Variants in PHACTR1 observed in about 807,000 individuals in gnomAD.
PHACTR1 encodes RPEL repeat containing 1.
Under a neutral mutation model 69.2 loss-of-function variants are expected in PHACTR1, and 16 were observed. The ratio of observed to expected loss-of-function variants is 0.23; its 90% CI spans 0.16 to 0.35. PHACTR1 has a LOEUF of 0.35. Among genes scored for constraint, PHACTR1 ranks in the 10% least tolerant of loss-of-function variants. The pLI is 1.00. For synonymous variants in PHACTR1, 312 were observed against 284.5 expected (o/e 1.10, Z -0.97); for missense variants, 510 against 734.7 (o/e 0.69, Z 3.54).
chr6:12,962,709 G>A (rs1390989347), intron 4 of PHACTR1, among the ~76,000 whole-genome samples: 2 of 152,210 alleles, frequency 1.3e-5, no homozygotes, highest in Non-Finnish European at 2.9e-5. Flanking sequence ...GGTGACAGCT[G>A]TTCTTGGAGA....
At chr6:12,828,760 T>TAA (rs5874386) in intron 4 of PHACTR1, among the ~76,000 whole-genome samples, 116 of 151,146 alleles carry the variant, frequency 7.7e-4, no homozygotes, top group African/African-American at 2.6e-3. Context: ...TGCTTCGTTG[T>TAA]AAAAAAAAAC....
intron 4 of PHACTR1, among the ~76,000 whole-genome samples, chr6:12,911,914 G>T (rs1295191609): frequency 6.6e-6 from 1 of 152,190 alleles, no homozygotes; most frequent in Non-Finnish European, 1.5e-5. Context: ...CAAAGAGGAA[G>T]GTGAAAGGAA....
At chr6:13,277,675 C>T (rs1208852323) in intron 11 of PHACTR1, among the ~76,000 whole-genome samples, 6 of 152,182 alleles carry the variant, frequency 3.9e-5, no homozygotes, top group African/African-American at 7.2e-5. Context: ...TTGGGCTGTG[C>T]GGTGGCTTGC....
chr6:13,089,913 T>C (rs1812947153), intron 5 of PHACTR1, among the ~76,000 whole-genome samples: 1 of 152,200 alleles, frequency 6.6e-6, no homozygotes, highest in Admixed American at 6.5e-5. Flanking sequence ...CCTTGTGACA[T>C]AATAAATTTC....
rs756423380 is a variant in PHACTR1 at position 13,230,054 on chromosome 6, G to A, written c.1252G>A (p.Val418Ile). 3.1e-6 allele frequency: 5 copies of A among 1,610,264 alleles called. No individual in the cohort carries two copies. In the African/African-American group the frequency reaches 6.7e-5, roughly 22 times the overall value. The change falls in exon 10 of 15, where the codon GTC becomes ATC. Residue 418 changes from valine (V) to isoleucine (I), a missense_variant. Transcript: ENST00000332995. The part of the protein sequence containing the change: ...SLYTSSLAMK[V>I]CRKDSLAIKL... ...TCCTACAGGCTCCCTGGCCATGAAGGTCTGCAGGAAGGACTCCTTAGCCAT... is the reference window on the plus strand; with the variant it reads ...TCCTACAGGCTCCCTGGCCATGAAGATCTGCAGGAAGGACTCCTTAGCCAT...
intron 10 of PHACTR1, among the ~76,000 whole-genome samples, chr6:13,241,409 T>C (rs746247795): frequency 1.3e-5 from 2 of 152,182 alleles, no homozygotes; most frequent in Non-Finnish European, 2.9e-5. Context: ...TCAGAAATTC[T>C]TGGGCCGGGT....
At chr6:12,984,868 G>A (rs1161456413) in intron 4 of PHACTR1, among the ~76,000 whole-genome samples, 4 of 152,132 alleles carry the variant, frequency 2.6e-5, no homozygotes, top group Non-Finnish European at 5.9e-5. Context: ...TAATAAACAG[G>A]AAGCCCAGGA....
intron 10 of PHACTR1, among the ~76,000 whole-genome samples, chr6:13,262,515 G>A (rs1364910991): frequency 6.6e-6 from 1 of 152,128 alleles, no homozygotes; most frequent in Non-Finnish European, 1.5e-5. Flanking sequence ...CTGAACTGGT[G>A]GGATCTGGGT....
At chr6:12,723,478 T>C (rs970734432) in intron 3 of PHACTR1, among the ~76,000 whole-genome samples, 2 of 150,210 alleles carry the variant, frequency 1.3e-5, no homozygotes, top group African/African-American at 4.9e-5. Context: ...AATCCTTGTT[T>C]TGGCCTTTTC....
intron 4 of PHACTR1, among the ~76,000 whole-genome samples, chr6:12,750,426 G>A (rs112934209): frequency 0.02 from 2,970 of 151,724 alleles, 113 homozygotes; most frequent in African/African-American, 0.069. Flanking sequence ...GGTACATGAA[G>A]GAGAGAAGAA....
intron 5 of PHACTR1, among the ~76,000 whole-genome samples, chr6:13,067,258 A>G (rs1185059156): frequency 6.6e-6 from 1 of 152,202 alleles, no homozygotes; most frequent in East Asian, 1.9e-4. Flanking sequence ...AGGTGAGGAA[A>G]CTGAAGCTTA....
At chr6:13,185,787 G>A (rs527488652) in intron 7 of PHACTR1, among the ~76,000 whole-genome samples, 4 of 152,202 alleles carry the variant, frequency 2.6e-5, no homozygotes, top group East Asian at 3.9e-4. Flanking sequence ...AAAAGCACTC[G>A]GTATTTTGAC....
intron 4 of PHACTR1, among the ~76,000 whole-genome samples, chr6:12,946,870 T>C (rs1790734626): frequency 7.3e-6 from 1 of 136,826 alleles, no homozygotes; most frequent in Admixed American, 8.2e-5. Context: ...TGGAGTGCAG[T>C]GGCACAATCT....
intron 7 of PHACTR1, among the ~76,000 whole-genome samples, chr6:13,201,587 G>T (rs190881233): frequency 6.6e-6 from 1 of 152,294 alleles, no homozygotes; most frequent in Non-Finnish European, 1.5e-5. Context: ...GGCTGGGACC[G>T]CATTATCCAC....
chr6:12,779,480 G>T (rs1424034767), intron 4 of PHACTR1, among the ~76,000 whole-genome samples: 1 of 151,856 alleles, frequency 6.6e-6, no homozygotes, highest in Non-Finnish European at 1.5e-5. Flanking sequence ...TAAAGCAAAA[G>T]CTTTGGGAAA....
chr6:13,212,166 A>C (rs1196181813), intron 8 of PHACTR1, among the ~76,000 whole-genome samples: 2 of 151,954 alleles, frequency 1.3e-5, no homozygotes. Context: ...CATCATTGTA[A>C]CTCCCTCACC....
At chr6:12,796,037 C>T (rs1772956287) in intron 4 of PHACTR1, among the ~76,000 whole-genome samples, 1 of 152,092 alleles carries the variant, frequency 6.6e-6, no homozygotes, top group Non-Finnish European at 1.5e-5. Context: ...CTGTAGCATA[C>T]TGAAACTTTG....
At chr6:13,133,941 C>T (rs1262391444) in intron 5 of PHACTR1, among the ~76,000 whole-genome samples, 1 of 150,308 alleles carries the variant, frequency 6.7e-6, no homozygotes, top group African/African-American at 2.5e-5. Flanking sequence ...GCGCCTCTGC[C>T]CCGCCACCCC....
chr6:12,871,362 C>A (rs1782006253), intron 4 of PHACTR1, among the ~76,000 whole-genome samples: 1 of 152,126 alleles, frequency 6.6e-6, no homozygotes, highest in Non-Finnish European at 1.5e-5. Context: ...TTACAAATGG[C>A]TTTTTACAAT....
Sources: allele counts gnomAD v4.1 joint callset (sites outside exome capture counted in the v4.1 genomes callset), GRCh38; gene constraint gnomAD v4.1.1; transcripts MANE v1.5; gene names NCBI Gene and HGNC (gene_info 2026-07-23, HGNC 2026-07-21).